SH3BGRL2: variants seen among roughly 807,000 people sequenced by gnomAD.
SH3BGRL2 encodes the protein SH3 domain binding glutamate rich protein like 2.
A neutral mutation model predicts 14.8 loss-of-function variants in SH3BGRL2; 21 were observed. The observed-to-expected ratio is 1.42, with a 90% confidence interval of 1.01 to 2.05. SH3BGRL2 has a LOEUF of 2.05. Ranked by LOEUF, SH3BGRL2 falls within the 30% of genes most tolerant of loss-of-function variation. The probability of loss-of-function intolerance (pLI) is 0.00; values close to 1 mark genes in which losing one functional copy is unlikely to be tolerated. For missense variants in SH3BGRL2, 147 were observed against 130.8 expected (o/e 1.12, Z -0.61); for synonymous variants, 50 against 47.8 (o/e 1.05, Z -0.19).
chr6:79,681,242 C>A (rs1053763481), intron 2 of SH3BGRL2, among the ~76,000 whole-genome samples: 1 of 152,086 alleles, frequency 6.6e-6, no homozygotes. Context: ...AGACAGATGG[C>A]AAACTGTTTT....
the SH3BGRL2 span, among the ~76,000 whole-genome samples, chr6:79,542,236 T>C: frequency 6.6e-6 from 1 of 151,758 alleles, no homozygotes; most frequent in African/African-American, 2.4e-5. Context: ...GCCTTTTGTT[T>C]CTCAGATCCT....
the SH3BGRL2 span, chr6:79,575,422 AAGAC>A: frequency 6.6e-6 from 1 of 152,158 alleles, no homozygotes; most frequent in Non-Finnish European, 1.5e-5. Context: ...TTAAGCTAAG[AAGAC>A]AGGTTTATAC....
At chr6:79,538,765 T>G in the SH3BGRL2 span, among the ~76,000 whole-genome samples, 1 of 152,240 alleles carries the variant, frequency 6.6e-6, no homozygotes, top group Non-Finnish European at 1.5e-5. Flanking sequence ...GAGCTGAGAA[T>G]GAAACCACCA....
the SH3BGRL2 span, among the ~76,000 whole-genome samples, chr6:79,595,944 T>G: frequency 1.1e-4 from 17 of 152,306 alleles, no homozygotes; most frequent in South Asian, 2.9e-3. Flanking sequence ...ACTAAAAAAT[T>G]ATTAGAACTA....
At chr6:79,599,869 A>G in the SH3BGRL2 span, among the ~76,000 whole-genome samples, 86 of 152,268 alleles carry the variant, frequency 5.6e-4, no homozygotes, top group Admixed American at 2.4e-3. Context: ...TTTTTATTCA[A>G]TTGGTTCAGA....
At chr6:79,574,650 C>T in the SH3BGRL2 span, 1 of 152,076 alleles carries the variant, frequency 6.6e-6, no homozygotes, top group African/African-American at 2.4e-5. Context: ...TACTTAATGC[C>T]ACTGAAATGT....
At chr6:79,652,635 A>G (rs1236051568) in intron 1 of SH3BGRL2, among the ~76,000 whole-genome samples, 1 of 152,030 alleles carries the variant, frequency 6.6e-6, no homozygotes, top group Non-Finnish European at 1.5e-5. Context: ...GTACTCAATA[A>G]ATATTTTCAG....
the SH3BGRL2 span, among the ~76,000 whole-genome samples, chr6:79,595,247 G>A: frequency 1.3e-5 from 2 of 151,896 alleles, no homozygotes; most frequent in Non-Finnish European, 2.9e-5. Flanking sequence ...CCAAGATTGC[G>A]CCATTGCACT....
the SH3BGRL2 span, among the ~76,000 whole-genome samples, chr6:79,544,819 G>A: frequency 6.6e-6 from 1 of 152,210 alleles, no homozygotes; most frequent in African/African-American, 2.4e-5. Flanking sequence ...GTTGTTATTT[G>A]GAGTATTCAG....
intron 1 of SH3BGRL2, among the ~76,000 whole-genome samples, chr6:79,647,385 G>A (rs965974934): frequency 1.1e-4 from 16 of 151,488 alleles, no homozygotes; most frequent in African/African-American, 3.9e-4. Flanking sequence ...TATTCCTTGC[G>A]CAGACCATAT....
At chr6:79,554,419 T>G in the SH3BGRL2 span, among the ~76,000 whole-genome samples, 1 of 152,206 alleles carries the variant, frequency 6.6e-6, no homozygotes. Flanking sequence ...AAGCTTCTCT[T>G]GACAAATCTA....
At chr6:79,645,417 C>T (rs1769120889) in intron 1 of SH3BGRL2, among the ~76,000 whole-genome samples, 1 of 152,160 alleles carries the variant, frequency 6.6e-6, no homozygotes, top group African/African-American at 2.4e-5. Context: ...ATCCTGGCAC[C>T]TCACTCCATT....
intron 2 of SH3BGRL2, among the ~76,000 whole-genome samples, chr6:79,690,352 C>G (rs1770187859): frequency 6.6e-6 from 1 of 152,096 alleles, no homozygotes; most frequent in Non-Finnish European, 1.5e-5. Flanking sequence ...AGAACAGGGA[C>G]AGCATTTTGA....
intron 1 of SH3BGRL2, among the ~76,000 whole-genome samples, chr6:79,656,064 G>A (rs761216656): frequency 2.6e-5 from 4 of 152,180 alleles, no homozygotes; most frequent in Non-Finnish European, 4.4e-5. Context: ...TTAAAGCAGA[G>A]GCATGAAATC....
chr6:79,595,059 G>T, the SH3BGRL2 span, among the ~76,000 whole-genome samples: 1 of 152,184 alleles, frequency 6.6e-6, no homozygotes, highest in Non-Finnish European at 1.5e-5. Context: ...GCTGAAGCGG[G>T]TAGATCACCT....
At chr6:79,604,414 C>T in the SH3BGRL2 span, among the ~76,000 whole-genome samples, 2 of 152,160 alleles carry the variant, frequency 1.3e-5, no homozygotes, top group African/African-American at 4.8e-5. Context: ...CAGGTAAGCA[C>T]CTTTCTTAAA....
At chr6:79,667,671 T>C (rs548182346) in intron 1 of SH3BGRL2, among the ~76,000 whole-genome samples, 1 of 152,288 alleles carries the variant, frequency 6.6e-6, no homozygotes, top group African/African-American at 2.4e-5. Context: ...GGTCTCGAAC[T>C]CCTGACCTCA....
At chr6:79,573,510 A>G in the SH3BGRL2 span, among the ~76,000 whole-genome samples, 2 of 151,978 alleles carry the variant, frequency 1.3e-5, no homozygotes, top group African/African-American at 4.8e-5. Context: ...GATTCTAATG[A>G]CTCCTTCTTT....
the SH3BGRL2 span, among the ~76,000 whole-genome samples, chr6:79,615,647 C>T: frequency 6.6e-6 from 1 of 152,284 alleles, no homozygotes; most frequent in Non-Finnish European, 1.5e-5. Context: ...GTATTAAATA[C>T]TCCACAAATT....
Sources: gnomAD v4.1 joint callset for allele counts (sites outside exome capture counted in the v4.1 genomes callset) on GRCh38, gnomAD v4.1.1 for gene constraint, MANE v1.5 for transcripts, NCBI Gene and HGNC (gene_info 2026-07-23, HGNC 2026-07-21) for gene names.